Variants in TFPI observed in about 807,000 individuals in gnomAD.
TFPI encodes the protein anti-convertin.
Under a neutral mutation model 34.6 loss-of-function variants are expected in TFPI, and 15 were observed. The observed-to-expected ratio is 0.43, with a 90% CI of 0.29 to 0.67. The LOEUF (loss-of-function observed/expected upper bound fraction) is 0.67. TFPI is among the 30% of genes least tolerant of loss of function. The probability of loss-of-function intolerance (pLI) is 0.15; values close to 1 mark genes in which losing one functional copy is unlikely to be tolerated. For synonymous variants in TFPI, 105 were observed against 120.1 expected (o/e 0.87, Z 0.82); for missense variants, 301 against 364.0 (o/e 0.83, Z 1.41).
chr2:187,533,307 C>A (rs993439400), intron 1 of TFPI, among the ~76,000 whole-genome samples: 2 of 152,138 alleles, frequency 1.3e-5, no homozygotes, highest in East Asian at 3.9e-4. Flanking sequence ...ACACCTCATA[C>A]AGGAGAGCTC....
Position 187,483,253 on chromosome 2 carries a change from C to CT in TFPI, c.628+870dup, listed in dbSNP as rs150692346. On this transcript the variant is annotated intron_variant, in intron 6 of 7. Coordinates refer to ENST00000233156, the MANE Select transcript of TFPI (RefSeq NM_006287.6). ...AGAATTCCTGGCCCAAACACTGTTT[C>CT]TTTTTTTTTTATTATTATTTTAATC... is the stretch of plus-strand genomic sequence containing the variant. Among the ~76,000 whole-genome samples, 172 of 148,440 alleles carry CT rather than the reference C, an allele frequency of 1.2e-3. 1 individual carries two copies. The Middle Eastern group carries it at 0.024, about 21-fold the overall frequency.
chr2:187,494,565 GGAGA>G (rs1202004238), intron 3 of TFPI, among the ~76,000 whole-genome samples: 1 of 152,094 alleles, frequency 6.6e-6, no homozygotes, highest in East Asian at 1.9e-4. Flanking sequence ...TTTATGTTGG[GGAGA>G]GAAAGTCTTG....
chr2:187,502,943 A>T lies in TFPI; in HGVS notation c.121+705T>A, dbSNP rs554297528. 1.6e-4 allele frequency among the ~76,000 whole-genome samples: 24 copies of T among 152,300 alleles called. No individual in the cohort carries two copies. The South Asian group carries it at 4.8e-3, about 30-fold the overall frequency. On this transcript the variant is annotated intron_variant, in intron 2 of 7. Coordinates refer to ENST00000233156, the MANE Select transcript of TFPI (RefSeq NM_006287.6). ...ACATCTTAAACCACTATACAAAAAT[A>T]AGCTATCATTTTGTTAATATTCTCT...
At chr2:187,522,890 CAAAA>C (rs915874981) in intron 1 of TFPI, among the ~76,000 whole-genome samples, 1 of 86,014 alleles carries the variant, frequency 1.2e-5, no homozygotes, top group Admixed American at 1.5e-4. Context: ...GACTGTGTCT[CAAAA>C]TAAATAAATA....
chr2:187,492,695 A>T (rs1685200940), intron 3 of TFPI, among the ~76,000 whole-genome samples: 1 of 152,052 alleles, frequency 6.6e-6, no homozygotes, highest in South Asian at 2.1e-4. Context: ...TGGATTTTGG[A>T]CTTCCATGGG....
At chr2:187,549,750 G>T (rs1689026892) in intron 1 of TFPI, among the ~76,000 whole-genome samples, 2 of 151,950 alleles carry the variant, frequency 1.3e-5, no homozygotes. Flanking sequence ...CAGGCTCTGT[G>T]CCCTTAAATT....
intron 1 of TFPI, among the ~76,000 whole-genome samples, chr2:187,545,267 A>G (rs916348671): frequency 1.3e-5 from 2 of 152,174 alleles, no homozygotes; most frequent in Non-Finnish European, 2.9e-5. Flanking sequence ...TTAAAAGAAA[A>G]TCCCTTGGAG....
At chr2:187,535,142 G>A (rs1019910638) in intron 1 of TFPI, among the ~76,000 whole-genome samples, 1 of 152,122 alleles carries the variant, frequency 6.6e-6, no homozygotes, top group Admixed American at 6.5e-5. Flanking sequence ...AATAGTGGGA[G>A]ACTTTAACAC....
At chr2:187,541,631 C>A (rs1351724654) in intron 1 of TFPI, among the ~76,000 whole-genome samples, 1 of 152,130 alleles carries the variant, frequency 6.6e-6, no homozygotes, top group Non-Finnish European at 1.5e-5. Flanking sequence ...TGAATGAGAT[C>A]TATTTATTTA....
At chr2:187,488,067 A>T (rs1693413669) in intron 4 of TFPI, among the ~76,000 whole-genome samples, 1 of 151,392 alleles carries the variant, frequency 6.6e-6, no homozygotes, top group African/African-American at 2.4e-5. Context: ...GCCTCCTCTG[A>T]CAAATATAAT....
At chr2:187,471,338 T>C (rs1312160831) in intron 6 of TFPI, among the ~76,000 whole-genome samples, 1 of 152,208 alleles carries the variant, frequency 6.6e-6, no homozygotes, top group African/African-American at 2.4e-5. Flanking sequence ...TTTTTTTCAC[T>C]TCTTGAAGAG....
At chr2:187,508,252 C>T (rs1686365790) in intron 1 of TFPI, among the ~76,000 whole-genome samples, 1 of 152,160 alleles carries the variant, frequency 6.6e-6, no homozygotes, top group Admixed American at 6.6e-5. Context: ...CGTGATGCCT[C>T]CAGCTTTGCT....
chr2:187,481,277 A>G (rs1220667214), intron 6 of TFPI, among the ~76,000 whole-genome samples: 2 of 152,054 alleles, frequency 1.3e-5, no homozygotes, highest in Non-Finnish European at 2.9e-5. Context: ...GTTTGATAAA[A>G]CCCTTGAAAA....
intron 1 of TFPI, among the ~76,000 whole-genome samples, chr2:187,530,777 T>G (rs1377062192): frequency 6.6e-6 from 1 of 152,204 alleles, no homozygotes; most frequent in Non-Finnish European, 1.5e-5. Context: ...TGGAACTCAA[T>G]GGATATTTGT....
At chr2:187,467,181 A>C in intron 7 of TFPI, 139 bp from the exon 8 acceptor site, 1 of 562,392 alleles carries the variant, frequency 1.8e-6, no homozygotes, top group Non-Finnish European at 3.0e-6. Flanking sequence ...TTGTCCATGT[A>C]TTCGTGTAGA....
At chr2:187,508,033 A>G (rs1339396004) in intron 1 of TFPI, among the ~76,000 whole-genome samples, 3 of 152,202 alleles carry the variant, frequency 2.0e-5, no homozygotes, top group Non-Finnish European at 4.4e-5. Flanking sequence ...GCACATGGCT[A>G]GTCAGTTTTC....
In TFPI at chr2:187,488,350, T is replaced by G. The variant is rs1559111161; in HGVS notation, c.345A>C (p.Thr115=). The change falls in exon 4 of 8, where the codon ACA becomes ACC. Residue 115 remains threonine, a synonymous_variant. Coordinates refer to ENST00000233156, the MANE Select transcript of TFPI (RefSeq NM_006287.6). ...TRDNANRIIK[T]TLQQEKPDFC... is the part of the protein sequence containing the mutation. ...ATAAATGTTCACCTTGTTGCAATGT[T>G]GTCTTTATAATCCTGTTTGCATTAT... is the stretch of plus-strand genomic sequence containing the variant. The G allele has an allele frequency of 6.4e-7, 1 of 1,570,426 alleles. No homozygotes were observed. The highest frequency in any genetic ancestry group is 8.6e-7 in the Non-Finnish European group (1 of 1,163,704).
At chr2:187,491,192 A>T (rs572891117) in intron 3 of TFPI, among the ~76,000 whole-genome samples, 2 of 151,950 alleles carry the variant, frequency 1.3e-5, no homozygotes, top group Non-Finnish European at 1.5e-5. Context: ...CTTTTTAAAA[A>T]TTTATTTCTT....
chr2:187,521,208 A>G (rs547772271), intron 1 of TFPI, among the ~76,000 whole-genome samples: 6 of 152,212 alleles, frequency 3.9e-5, no homozygotes, highest in Admixed American at 2.6e-4. Flanking sequence ...AAATACATCA[A>G]TATGTTCTGT....
Sources: allele counts gnomAD v4.1 joint callset (sites outside exome capture counted in the v4.1 genomes callset), GRCh38; gene constraint gnomAD v4.1.1; transcripts MANE v1.5; gene names NCBI Gene and HGNC (gene_info 2026-07-23, HGNC 2026-07-21).